Variants in PCDH15 observed in about 807,000 individuals in gnomAD.
PCDH15 encodes protocadherin-15.
PCDH15 carries 129 observed loss-of-function variants against 178.5 expected under a neutral mutation model. The observed-to-expected ratio is 0.72, with a 90% CI of 0.63 to 0.84. The LOEUF (loss-of-function observed/expected upper bound fraction) is 0.84. Among genes scored for constraint, PCDH15 ranks in the 40% least tolerant of loss-of-function variants. The probability of loss-of-function intolerance (pLI) is 0.00; values close to 1 mark genes in which losing one functional copy is unlikely to be tolerated. For missense variants in PCDH15, 2,230 were observed against 2,099.9 expected, an observed-to-expected ratio of 1.06 and a Z score of -1.21; for synonymous variants, 800 against 732.0, an observed-to-expected ratio of 1.09 and a Z score of -1.50.
chr10:55,541,382 A>C (rs777682676), intron 2 of PCDH15, among the ~76,000 whole-genome samples: 6 of 151,990 alleles, frequency 3.9e-5, no homozygotes, highest in Non-Finnish European at 7.4e-5. Context: ...TTCTTAATGA[A>C]GAAAGGAGAG....
chr10:55,359,196 CA>C (rs1029359654), intron 2 of PCDH15, among the ~76,000 whole-genome samples: 28 of 140,528 alleles, frequency 2.0e-4, no homozygotes, highest in East Asian at 2.1e-4. Context: ...GACTGTGTTT[CA>C]AAAAAAAAAG....
At chr10:54,473,143 G>T (rs1219995583) in intron 3 of PCDH15, among the ~76,000 whole-genome samples, 1 of 152,010 alleles carries the variant, frequency 6.6e-6, no homozygotes, top group Non-Finnish European at 1.5e-5. Flanking sequence ...GCCGGAAAAT[G>T]GTAAGAAGAG....
chr10:54,822,318 C>A (rs749619736), intron 3 of PCDH15, among the ~76,000 whole-genome samples: 3 of 152,054 alleles, frequency 2.0e-5, no homozygotes, highest in Non-Finnish European at 4.4e-5. Flanking sequence ...CTCTGGTAAC[C>A]ACCACTCTAC....
At chr10:55,380,739 C>T (rs1837513023) in intron 2 of PCDH15, among the ~76,000 whole-genome samples, 1 of 152,164 alleles carries the variant, frequency 6.6e-6, no homozygotes. Context: ...ATATTGCCCA[C>T]TACACCATAA....
At chr10:54,225,975 A>G (rs1374921688) in intron 9 of PCDH15, among the ~76,000 whole-genome samples, 1 of 152,208 alleles carries the variant, frequency 6.6e-6, no homozygotes, top group Non-Finnish European at 1.5e-5. Context: ...AGTTCTTTAG[A>G]GAAACAAAAC....
chr10:54,774,114 C>T (rs905322843), intron 1 of PCDH15, among the ~76,000 whole-genome samples: 2 of 144,712 alleles, frequency 1.4e-5, no homozygotes. Context: ...CTGCAAGCTC[C>T]GCCTCCTGGG....
chr10:54,666,654 C>T (rs551558103), intron 1 of PCDH15, among the ~76,000 whole-genome samples: 21 of 151,618 alleles, frequency 1.4e-4, no homozygotes, highest in African/African-American at 5.1e-4. Flanking sequence ...AAAGAGAAAC[C>T]ATATACAAAT....
At chr10:55,307,801 A>G (rs16907229) in intron 1 of PCDH15, among the ~76,000 whole-genome samples, 28,311 of 151,858 alleles carry the variant, frequency 0.19, 3,880 homozygotes, top group African/African-American at 0.39. Flanking sequence ...TCCTAATAAT[A>G]ATTTTAGATG....
chr10:54,689,174 A>T (rs1050868767), intron 1 of PCDH15, among the ~76,000 whole-genome samples: 12 of 152,084 alleles, frequency 7.9e-5, no homozygotes, highest in Admixed American at 4.6e-4. Context: ...TGATATTATT[A>T]TTAATATATA....
chr10:53,924,542 G>A (rs373575128), intron 25 of PCDH15, among the ~76,000 whole-genome samples: 14 of 152,210 alleles, frequency 9.2e-5, no homozygotes, highest in East Asian at 1.9e-4. Flanking sequence ...CCCATCAACC[G>A]CCCAAGGGCT....
At chr10:55,619,552 G>C (rs947320725) in intron 2 of PCDH15, among the ~76,000 whole-genome samples, 21 of 152,078 alleles carry the variant, frequency 1.4e-4, no homozygotes, top group African/African-American at 4.6e-4. Flanking sequence ...AAAATGCCTA[G>C]CTTGCAATAA....
Position 54,478,922 on chromosome 10 carries a change from TAG to T in PCDH15, c.157+48888_157+48889del, listed in dbSNP as rs2078485589. ...AGAAATAACAGATGCAATACAAATG[TAG>T]AGTTATTATGTGTGTCATACTGGAA... is the stretch of plus-strand genomic sequence containing the variant. On this transcript the variant is annotated intron_variant, in intron 3 of 37. Transcript: ENST00000644397. 2.0e-5 allele frequency among the ~76,000 whole-genome samples: 3 copies of T among 151,128 alleles called. No individual in the cohort carries two copies. In the South Asian group the frequency reaches 6.2e-4, roughly 31 times the overall value.
intron 2 of PCDH15, among the ~76,000 whole-genome samples, chr10:55,119,487 A>T (rs1211625088): frequency 7.3e-6 from 1 of 136,122 alleles, no homozygotes; most frequent in Non-Finnish European, 1.5e-5. Context: ...GTTAGTCCTT[A>T]TCATTCATAC....
At position 53,827,493 on chromosome 10, in the gene PCDH15, TAGCC is replaced by T; in HGVS notation, c.4263_4266del (p.Ala1422AsnfsTer45). Reference sequence around the variant, plus strand: ...GGTGCAGGAGCCGGCACTGCTGGTTTAGCCGCGGGTAATGCGGCCTGAATTCGTG... The same window carrying T: ...GGTGCAGGAGCCGGCACTGCTGGTTTGCGGGTAATGCGGCCTGAATTCGTG... On this transcript the variant is annotated frameshift_variant, in exon 32 of 38. Transcript: ENST00000644397. LOFTEE classifies it high-confidence loss of function. The T allele has an allele frequency of 6.2e-7, 1 of 1,614,106 alleles. No homozygotes were observed. The highest frequency in any genetic ancestry group is 1.1e-5 in the South Asian group (1 of 91,088).
At chr10:54,283,084 A>T in intron 8 of PCDH15, among the ~76,000 whole-genome samples, 1 of 152,136 alleles carries the variant, frequency 6.6e-6, no homozygotes, top group East Asian at 1.9e-4. Flanking sequence ...CCCAAGATCT[A>T]TGAATGCTAT....
chr10:54,872,774 G>T (rs577708865), intron 3 of PCDH15, among the ~76,000 whole-genome samples: 1 of 151,960 alleles, frequency 6.6e-6, no homozygotes, highest in Non-Finnish European at 1.5e-5. Context: ...AAGAACAATC[G>T]CAGGAGCAAG....
At chr10:54,034,186 TA>T (rs1195306516) in intron 18 of PCDH15, among the ~76,000 whole-genome samples, 3 of 151,992 alleles carry the variant, frequency 2.0e-5, no homozygotes, top group Non-Finnish European at 4.4e-5. Flanking sequence ...AATAACTATT[TA>T]ATGAGAGAAA....
intron 1 of PCDH15, among the ~76,000 whole-genome samples, chr10:55,240,730 A>T (rs1485977166): frequency 6.6e-6 from 1 of 152,152 alleles, no homozygotes; most frequent in Non-Finnish European, 1.5e-5. Flanking sequence ...ATGTATCCTT[A>T]TTCGCCTTAT....
intron 2 of PCDH15, among the ~76,000 whole-genome samples, chr10:55,044,030 A>T (rs1001515372): frequency 3.3e-5 from 5 of 152,182 alleles, no homozygotes; most frequent in Admixed American, 6.6e-5. Context: ...GTGGACAGCC[A>T]CTATCCATCA....
Sources: allele counts gnomAD v4.1 joint callset (sites outside exome capture counted in the v4.1 genomes callset), GRCh38; gene constraint gnomAD v4.1.1; transcripts MANE v1.5; gene names NCBI Gene and HGNC (gene_info 2026-07-23, HGNC 2026-07-21).